DMD: variants seen among roughly 807,000 people sequenced by gnomAD.
DMD encodes dystrophin.
In DMD, 63 loss-of-function variants were observed where a neutral mutation model predicts 330.1. The ratio of observed to expected loss-of-function variants is 0.19; its 90% CI spans 0.16 to 0.24. The LOEUF (loss-of-function observed/expected upper bound fraction) is 0.24, where lower values mean the gene tolerates loss of function less well. Among genes scored for constraint, DMD ranks in the 10% least tolerant of loss-of-function variants. The pLI is 1.00. For synonymous variants in DMD, 1,223 were observed against 959.8 expected, an observed-to-expected ratio of 1.27 and a Z score of -5.07; for missense variants, 3,344 against 2,684.1, an observed-to-expected ratio of 1.25 and a Z score of -5.43.
intron 44 of DMD, among the ~76,000 whole-genome samples, chrX:32,154,192 A>G (rs2096819725): frequency 8.9e-6 from 1 of 112,205 alleles, no homozygotes; most frequent in African/African-American, 3.2e-5. Context: ...ATTTACTTCA[A>G]AGCAGAGGCA....
At chrX:31,484,898 G>C (rs1207979756) in intron 57 of DMD, among the ~76,000 whole-genome samples, 2 of 112,079 alleles carry the variant, frequency 1.8e-5, no homozygotes, top group African/African-American at 6.5e-5. Flanking sequence ...GGTTGAGTAG[G>C]TATATTTGTG....
chrX:32,103,539 C>A (rs1010398759), intron 44 of DMD, among the ~76,000 whole-genome samples: 1 of 111,928 alleles, frequency 8.9e-6, no homozygotes, highest in Non-Finnish European at 1.9e-5. Context: ...AAAGGTCTAA[C>A]AATTGATCAC....
chrX:32,892,677 G>A (rs903423347), intron 2 of DMD, among the ~76,000 whole-genome samples: 5 of 111,976 alleles, frequency 4.5e-5, no homozygotes, highest in African/African-American at 6.5e-5. Context: ...GATTACAGGC[G>A]TGAGCCACCC....
chrX:31,510,839 T>C (rs943675755), intron 55 of DMD, among the ~76,000 whole-genome samples: 1 of 111,029 alleles, frequency 9.0e-6, no homozygotes, highest in South Asian at 3.8e-4. Flanking sequence ...TCATTTAGCA[T>C]TGGGCATCCT....
intron 52 of DMD, among the ~76,000 whole-genome samples, chrX:31,687,229 C>T (rs369653389): frequency 1.8e-5 from 2 of 111,294 alleles, no homozygotes; most frequent in South Asian, 3.9e-4. Context: ...GGTCACCCAG[C>T]AAATTCCCAG....
At chrX:32,912,771 C>T (rs1441395358) in intron 2 of DMD, among the ~76,000 whole-genome samples, 6 of 111,314 alleles carry the variant, frequency 5.4e-5, no homozygotes, top group Non-Finnish European at 1.1e-4. Context: ...GCAAATTTCA[C>T]GACCACCGTT....
chrX:31,875,167 T>G (rs947053289), intron 48 of DMD, 21 bp downstream of exon 48: 3 of 1,182,363 alleles, frequency 2.5e-6, no homozygotes, highest in African/African-American at 3.6e-5. Context: ...ACAAAAATAT[T>G]TAAAGCAAAA....
chrX:32,506,197 A>G (rs1603635058), intron 18 of DMD, among the ~76,000 whole-genome samples: 2 of 111,542 alleles, frequency 1.8e-5, no homozygotes, highest in East Asian at 2.8e-4. Context: ...TGATGTGTCA[A>G]TGTAAGTTCA....
At chrX:31,131,084 A>G (rs2034426516) in intron 77 of DMD, among the ~76,000 whole-genome samples, 1 of 111,968 alleles carries the variant, frequency 8.9e-6, no homozygotes, top group South Asian at 3.8e-4. Flanking sequence ...TTGTAACACA[A>G]CAATGAGAAC....
chrX:31,457,541 T>C (rs2066268937), intron 59 of DMD, among the ~76,000 whole-genome samples: 2 of 111,705 alleles, frequency 1.8e-5, no homozygotes, highest in African/African-American at 6.5e-5. Flanking sequence ...CCAAAATATA[T>C]CATGGCTATA....
intron 48 of DMD, among the ~76,000 whole-genome samples, chrX:31,852,235 A>C (rs1251272270): frequency 8.9e-6 from 1 of 111,898 alleles, no homozygotes; most frequent in Non-Finnish European, 1.9e-5. Flanking sequence ...ATTAGACTTT[A>C]AGAATGCAGA....
At chrX:32,930,152 C>G in intron 2 of DMD, among the ~76,000 whole-genome samples, 1 of 110,910 alleles carries the variant, frequency 9.0e-6, no homozygotes, top group Non-Finnish European at 1.9e-5. Flanking sequence ...AAACACAAAG[C>G]CTATTTTATA....
At chrX:32,272,851 T>C (rs2097370349) in intron 43 of DMD, among the ~76,000 whole-genome samples, 1 of 111,953 alleles carries the variant, frequency 8.9e-6, no homozygotes. Flanking sequence ...TGTCATAATA[T>C]CAGCTTTAAA....
intron 67 of DMD, among the ~76,000 whole-genome samples, chrX:31,190,605 G>A (rs2042227659): frequency 1.5e-4 from 4 of 27,003 alleles, no homozygotes; most frequent in Admixed American, 4.0e-4. Context: ...GGGGGGGGGG[G>A]GGGGGGAGGG....
At chrX:33,330,449 T>C (rs2054155701) in intron 1 of DMD, among the ~76,000 whole-genome samples, 1 of 111,922 alleles carries the variant, frequency 8.9e-6, no homozygotes, top group Non-Finnish European at 1.9e-5. Context: ...TTTAACTTTA[T>C]ACATGAGTGA....
intron 1 of DMD, among the ~76,000 whole-genome samples, chrX:33,050,343 T>A (rs756398995): frequency 1.8e-5 from 2 of 111,966 alleles, no homozygotes; most frequent in African/African-American, 6.5e-5. Flanking sequence ...AGGTCTTAAG[T>A]GCCCCAGAAT....
chrX:32,884,364 A>G (rs769315654), intron 2 of DMD, among the ~76,000 whole-genome samples: 1 of 111,802 alleles, frequency 8.9e-6, no homozygotes, highest in Non-Finnish European at 1.9e-5. Flanking sequence ...TATATAATTA[A>G]CCAATCAATT....
intron 34 of DMD, among the ~76,000 whole-genome samples, chrX:32,370,050 C>T (rs1186060248): frequency 9.0e-6 from 1 of 110,999 alleles, no homozygotes; most frequent in Non-Finnish European, 1.9e-5. Flanking sequence ...TTTCTGATCA[C>T]AGAGAACAGG....
chrX:31,860,113 A>C (rs1240089452), intron 48 of DMD, among the ~76,000 whole-genome samples: 1 of 108,509 alleles, frequency 9.2e-6, no homozygotes, highest in Non-Finnish European at 1.9e-5. Context: ...AAAAAAAAAA[A>C]CTGATAGCAT....
Sources: gnomAD v4.1 joint callset for allele counts (sites outside exome capture counted in the v4.1 genomes callset) on GRCh38, gnomAD v4.1.1 for gene constraint, MANE v1.5 for transcripts, NCBI Gene and HGNC (gene_info 2026-07-23, HGNC 2026-07-21) for gene names.